CBFA2T3: variants seen among roughly 807,000 people sequenced by gnomAD.
The protein encoded by CBFA2T3 is transcriptional corepressor CBFA2T3.
CBFA2T3 carries 31 observed loss-of-function variants against 58.6 expected under a neutral mutation model. The ratio of observed to expected loss-of-function variants is 0.53; its 90% CI spans 0.40 to 0.71. The LOEUF (loss-of-function observed/expected upper bound fraction) is 0.71, where lower values mean the gene tolerates loss of function less well. Among genes scored for constraint, CBFA2T3 ranks in the 30% least tolerant of loss-of-function variants. The pLI is 0.00. For missense variants in CBFA2T3, 1,076 were observed against 963.1 expected, an observed-to-expected ratio of 1.12 and a Z score of -1.55; for synonymous variants, 531 against 421.9, an observed-to-expected ratio of 1.26 and a Z score of -3.17.
At chr16:88,964,208 A>G (rs55732327) in intron 1 of CBFA2T3, among the ~76,000 whole-genome samples, 3,259 of 152,256 alleles carry the variant, frequency 0.021, 112 homozygotes, top group African/African-American at 0.074. Flanking sequence ...TCTTCCCCCA[A>G]TTCATGGGTT....
rs551811593 is a variant in CBFA2T3, at chr16:88,967,248, G to A, written c.151+9409C>T. ...AGCCCCCGAGGTGCCACTCGGCCCC[G>A]ACACGAGGCAGCACCATGCTCAATG... On this transcript the variant is annotated intron_variant, in intron 1 of 11. Coordinates refer to ENST00000268679, the MANE Select transcript of CBFA2T3 (RefSeq NM_005187.6). Among the ~76,000 whole-genome samples, 135 of 147,236 alleles carry A rather than the reference G, an allele frequency of 9.2e-4. 3 individuals are homozygous for A. In the South Asian group the frequency reaches 0.011, roughly 12 times the overall value.
chr16:88,900,430 C>T (rs549046493), intron 2 of CBFA2T3, among the ~76,000 whole-genome samples: 2 of 152,308 alleles, frequency 1.3e-5, no homozygotes, highest in South Asian at 2.1e-4. Context: ...CCAGCCTCAG[C>T]GGCAGAGCCA....
At chr16:88,903,659 T>G (rs1325378965) in intron 1 of CBFA2T3, among the ~76,000 whole-genome samples, 2 of 77,122 alleles carry the variant, frequency 2.6e-5, no homozygotes, top group African/African-American at 4.9e-5. Flanking sequence ...TGTTCCCGGC[T>G]GGGGGGGGGG....
chr16:88,901,074 G>C (rs901107465), intron 2 of CBFA2T3, among the ~76,000 whole-genome samples: 5 of 152,372 alleles, frequency 3.3e-5, no homozygotes, highest in Admixed American at 3.3e-4. Context: ...GTGACCTGCT[G>C]TATGACCCTG....
Position 88,915,794 on chromosome 16 carries a change from A to G in CBFA2T3, c.152-14138T>C, listed in dbSNP as rs534944762. Reference sequence around the variant, plus strand: ...CAGAGAACGAGCAGACACGTGGGCTAGACACAGGGTGGGCGGGCGCCCTGG... The same window carrying G: ...CAGAGAACGAGCAGACACGTGGGCTGGACACAGGGTGGGCGGGCGCCCTGG... On this transcript the variant is annotated intron_variant, in intron 1 of 11. Transcript: ENST00000268679. Among the ~76,000 whole-genome samples the G allele has an allele frequency of 3.3e-3, 494 of 150,880 alleles. 1 individual carries two copies. Among genetic ancestry groups the G allele is most frequent in the African/African-American group, 0.012 (471 of 40,904 alleles).
intron 8 of CBFA2T3, chr16:88,881,734 T>C: frequency 2.1e-6 from 1 of 470,584 alleles, no homozygotes; most frequent in South Asian, 4.2e-5. Context: ...CGCAGGAGTT[T>C]GGGATTCTCC....
chr16:88,935,578 C>T (rs1180624258), intron 1 of CBFA2T3, among the ~76,000 whole-genome samples: 1 of 152,222 alleles, frequency 6.6e-6, no homozygotes, highest in Non-Finnish European at 1.5e-5. Flanking sequence ...AGGCTGTCCT[C>T]GCGTGGGTGG....
chr16:88,927,699 A>T (rs2142756221), intron 1 of CBFA2T3, among the ~76,000 whole-genome samples: 1 of 152,178 alleles, frequency 6.6e-6, no homozygotes, highest in East Asian at 1.9e-4. Context: ...GCCTGGGATG[A>T]TCCCCCTTCC....
At chr16:88,912,992 C>T (rs1165737296) in intron 1 of CBFA2T3, among the ~76,000 whole-genome samples, 2 of 152,256 alleles carry the variant, frequency 1.3e-5, no homozygotes, top group South Asian at 2.1e-4. Context: ...CCCCAAGGCG[C>T]GTTTCCTGCT....
chr16:88,884,771 G>A, intron 7 of CBFA2T3: 1 of 389,628 alleles, frequency 2.6e-6, no homozygotes, highest in Non-Finnish European at 4.6e-6. Context: ...TGGGTGGACT[G>A]TGGGAATCGC....
intron 1 of CBFA2T3, among the ~76,000 whole-genome samples, chr16:88,906,341 G>A (rs950342605): frequency 1.3e-5 from 2 of 152,248 alleles, no homozygotes; most frequent in East Asian, 3.9e-4. Context: ...AGGCTCGGAG[G>A]CCCCGTGGGC....
chr16:88,976,921 G>A lies in CBFA2T3; in HGVS notation c.-114C>T. The stretch of plus-strand genomic sequence containing the variant: ...AAGAGGAGGGGCTGGGCCAGCTGGG[G>A]CGTCCTGGAGTTGGGCCTCTGTCCC... On this transcript the variant is annotated 5_prime_UTR_variant, in exon 1 of 12. Transcript: ENST00000268679. 7.5e-7 allele frequency: 1 copy of A among 1,331,062 alleles called. No individual in the cohort carries two copies. Among genetic ancestry groups the A allele is most frequent in the Middle Eastern group, 2.3e-4 (1 of 4,350 alleles). 82.5% of individuals were successfully genotyped at this position (1,331,062 alleles called of 1,614,324 possible). A position where few individuals can be genotyped will look rare whatever the true frequency, so the allele number is the denominator to read the frequency against.
chr16:88,890,239 C>T (rs767022009), intron 5 of CBFA2T3, among the ~76,000 whole-genome samples: 7 of 152,216 alleles, frequency 4.6e-5, no homozygotes, highest in African/African-American at 1.4e-4. Context: ...TGTCCCTCCA[C>T]GCTGTCTCCT....
chr16:88,876,683 T>G lies in CBFA2T3; in HGVS notation c.*293A>C. On this transcript the variant is annotated 3_prime_UTR_variant, in exon 12 of 12. Coordinates refer to ENST00000268679, the MANE Select transcript of CBFA2T3 (RefSeq NM_005187.6). ...GCCGCGCCTGCGGCATCTGCTCTGCTGTCTAAAGCTCAGTCGAGGCTTCTG... is the reference window on the plus strand; with the variant it reads ...GCCGCGCCTGCGGCATCTGCTCTGCGGTCTAAAGCTCAGTCGAGGCTTCTG... 1 of 383,994 alleles carries G rather than the reference T, an allele frequency of 2.6e-6. No individual in the cohort carries two copies. The highest frequency in any genetic ancestry group is 9.2e-5 in the South Asian group (1 of 10,852). The allele number at this position is 383,994 out of a possible 1,614,324, so 23.8% of individuals were successfully genotyped here. A position where few individuals can be genotyped will look rare whatever the true frequency, so the allele number is the denominator to read the frequency against.
rs139720395 is a variant in CBFA2T3 at position 88,946,045 on chromosome 16, C to T, written c.151+30612G>A. Among the ~76,000 whole-genome samples the T allele has an allele frequency of 3.3e-5, 5 of 152,244 alleles. No homozygotes were observed. In the East Asian group the frequency reaches 9.6e-4, roughly 29 times the overall value. ...ATTGATGGCCGGGCGTGGTGGCTCA[C>T]ACCTGTAATCCCAGGACTTTGGGAG... On this transcript the variant is annotated intron_variant, in intron 1 of 11. Transcript: ENST00000268679.
At chr16:88,950,599 T>C in intron 1 of CBFA2T3, 1 of 390,906 alleles carries the variant, frequency 2.6e-6, no homozygotes, top group South Asian at 1.6e-5. Flanking sequence ...TCCGGATCTG[T>C]TCACCCGTCC....
chr16:88,921,471 CGATCCAG>C (rs1970917759), intron 1 of CBFA2T3, among the ~76,000 whole-genome samples: 1 of 152,158 alleles, frequency 6.6e-6, no homozygotes, highest in African/African-American at 2.4e-5. Context: ...CGGGATTTCC[CGATCCAG>C]GGCGGCGAGT....
At chr16:88,913,488 T>G (rs554769186) in intron 1 of CBFA2T3, among the ~76,000 whole-genome samples, 29 of 152,350 alleles carry the variant, frequency 1.9e-4, no homozygotes, top group African/African-American at 7.0e-4. Flanking sequence ...ATATCAGAGC[T>G]GCAAGGGACC....
chr16:88,974,646 C>A (rs1194821366), intron 1 of CBFA2T3, among the ~76,000 whole-genome samples: 1 of 152,226 alleles, frequency 6.6e-6, no homozygotes, highest in African/African-American at 2.4e-5. Flanking sequence ...GAGTTTAAAG[C>A]CAATCGGCCT....
Sources: gnomAD v4.1 joint callset for allele counts (sites outside exome capture counted in the v4.1 genomes callset) on GRCh38, gnomAD v4.1.1 for gene constraint, MANE v1.5 for transcripts, NCBI Gene and HGNC (gene_info 2026-07-23, HGNC 2026-07-21) for gene names.